The following MECR variants were observed in gnomAD, a reference collection of about 807,000 sequenced individuals.
MECR encodes mitochondrial trans-2-enoyl-CoA reductase, also known as enoyl-[acyl-carrier-protein] reductase, mitochondrial.
A neutral mutation model predicts 49.1 loss-of-function variants in MECR; 37 were observed. That is an observed-to-expected ratio of 0.75 (90% confidence interval 0.58 to 0.99). MECR has a LOEUF of 0.99. MECR is among the 50% of genes least tolerant of loss of function. MECR has a pLI of 0.00. For missense variants in MECR, 470 were observed against 479.6 expected, an observed-to-expected ratio of 0.98 and a Z score of 0.19; for synonymous variants, 198 against 191.1, an observed-to-expected ratio of 1.04 and a Z score of -0.30.
At chr1:29,209,640 G>A (rs1677460264) in intron 3 of MECR, among the ~76,000 whole-genome samples, 2 of 152,278 alleles carry the variant, frequency 1.3e-5, no homozygotes, top group South Asian at 4.1e-4. Flanking sequence ...TGAGGACTGC[G>A]TGAGGGGTCT....
chr1:29,201,362 C>G lies in MECR; in HGVS notation c.756+581G>C. The G allele has an allele frequency of 5.6e-6, 3 of 531,210 alleles. No individual in the cohort carries two copies. Among genetic ancestry groups the G allele is most frequent in the South Asian group, 4.2e-5 (3 of 70,982 alleles). 32.9% of individuals were successfully genotyped at this position (531,210 alleles called of 1,614,324 possible). A position where few individuals can be genotyped will look rare whatever the true frequency, so the allele number is the denominator to read the frequency against. ...GGTTCAGTGAAAAGGGGCTGAGGGT[C>G]TGGTCACTTACTAGGCATGTTGTGG... On this transcript the variant is annotated intron_variant, in intron 6 of 9. Coordinates refer to ENST00000263702, the MANE Select transcript of MECR (RefSeq NM_016011.5). This position sits in a 1 kb window ranked among gnomAD's most constrained non-coding sequence, Gnocchi z 4.3.
At chr1:29,204,596 A>C (rs929836726) in intron 4 of MECR, among the ~76,000 whole-genome samples, 1 of 152,196 alleles carries the variant, frequency 6.6e-6, no homozygotes, top group Non-Finnish European at 1.5e-5. Flanking sequence ...ATAAAATGTA[A>C]TTCTTACCAT....
chr1:29,217,246 G>A (rs1679699135), intron 1 of MECR, among the ~76,000 whole-genome samples: 1 of 138,672 alleles, frequency 7.2e-6, no homozygotes, highest in African/African-American at 2.7e-5. Context: ...GTCTCACTGT[G>A]TCACCCAGGC....
chr1:29,200,787 T>G (rs572848780), intron 6 of MECR, among the ~76,000 whole-genome samples, 198 bp from the exon 7 acceptor site: 2 of 152,230 alleles, frequency 1.3e-5, no homozygotes, highest in South Asian at 4.1e-4. Flanking sequence ...GTCTTTTCTT[T>G]CTTTTTTCTT....
intron 5 of MECR, among the ~76,000 whole-genome samples, chr1:29,202,780 A>G (rs868491573): frequency 6.6e-5 from 10 of 152,328 alleles, no homozygotes; most frequent in Middle Eastern, 3.4e-3. Context: ...GACAGTTCAC[A>G]GAAAGAATAA....
chr1:29,192,253 G>A (rs559185448), downstream of MECR, among the ~76,000 whole-genome samples: 43 of 152,144 alleles, frequency 2.8e-4, no homozygotes, highest in African/African-American at 9.6e-4. Context: ...TTTCCCCCAC[G>A]TCTAAGGCAG....
chr1:29,189,869 A>C (rs1673087677), downstream of MECR, among the ~76,000 whole-genome samples: 1 of 152,158 alleles, frequency 6.6e-6, no homozygotes, highest in African/African-American at 2.4e-5. Flanking sequence ...TGGGAATCAT[A>C]AACTGCCACG....
Position 29,216,666 on chromosome 1 carries a change from C to T in MECR, c.196G>A (p.Ala66Thr). The stretch of plus-strand genomic sequence containing the variant: ...CGGACATCTGATCCTCTCACAGCAG[C>T]TAGCTCCAGGTTCTTGAGTCTAAGC... The part of the protein sequence containing the change: ...KVVELKNLEL[A>T]AVRGSDVRVK... The change falls in exon 2 of 10, where the codon GCT (alanine) becomes ACT (threonine). Residue 66 changes from alanine to threonine, a missense_variant. Ala to Thr is a moderately conservative substitution (Grantham distance 58, BLOSUM62 0). Coordinates refer to ENST00000263702, the MANE Select transcript of MECR (RefSeq NM_016011.5). 1 of 1,614,238 alleles carries T rather than the reference C, an allele frequency of 6.2e-7. No individual in the cohort carries two copies. Among genetic ancestry groups the T allele is most frequent in the South Asian group, 1.1e-5 (1 of 91,082 alleles).
At chr1:29,181,922 A>G in the MECR span, 1 of 448,522 alleles carries the variant, frequency 2.2e-6, no homozygotes, top group South Asian at 5.2e-5. Context: ...GCGCGCTTCC[A>G]CTTCCCCCGC....
rs772261961 is a variant in MECR, at chr1:29,206,810, G to A, written c.502C>T (p.Pro168Ser). ...LQSAATLGVNPCTAYRMLMDF... is the reference protein window; with the variant it reads ...LQSAATLGVNSCTAYRMLMDF... ...ATCAACATCCTGTAGGCTGTGCAGG[G>A]ATTGACACCCAGGGTGGCAGCGCTC... Residue 168 changes from proline to serine, a missense_variant, in exon 4 of 10, where the codon CCC (proline) becomes TCC (serine). Transcript: ENST00000263702. 1.2e-6 allele frequency: 2 copies of A among 1,614,188 alleles called. No homozygotes were observed. The highest frequency in any genetic ancestry group is 1.7e-6 in the Non-Finnish European group (2 of 1,180,040).
At chr1:29,208,899 G>A (rs1177802156) in intron 3 of MECR, among the ~76,000 whole-genome samples, 1 of 152,242 alleles carries the variant, frequency 6.6e-6, no homozygotes, top group African/African-American at 2.4e-5. Flanking sequence ...CTGAGGAGGT[G>A]ACAGGCTAAG....
chr1:29,176,230 C>T, the MECR span, among the ~76,000 whole-genome samples: 2 of 151,660 alleles, frequency 1.3e-5, no homozygotes, highest in East Asian at 1.9e-4. Context: ...CCAGCCTGGG[C>T]GACAGAGCAA....
chr1:29,181,319 G>A, the MECR span, among the ~76,000 whole-genome samples: 1 of 152,188 alleles, frequency 6.6e-6, no homozygotes, highest in Non-Finnish European at 1.5e-5. Context: ...CCCCAGTTCC[G>A]GGCCTAGGAA....
chr1:29,201,902 T>C lies in MECR; in HGVS notation c.756+41A>G. 4 of 1,470,768 alleles carry C rather than the reference T, an allele frequency of 2.7e-6. No individual in the cohort carries two copies. The highest frequency in any genetic ancestry group is 3.8e-6 in the Non-Finnish European group (4 of 1,049,810). The allele number at this position is 1,470,768 out of a possible 1,614,324, so 91.1% of individuals were successfully genotyped here. A position where few individuals can be genotyped will look rare whatever the true frequency, so the allele number is the denominator to read the frequency against. ...TGCATGTCAACTTTCTTCAGGGAGA[T>C]GTGCGTGGACTGGAGGGGCAATGTC... On this transcript the variant is annotated intron_variant, in intron 6 of 9. Coordinates refer to ENST00000263702, the MANE Select transcript of MECR (RefSeq NM_016011.5). This position sits in a 1 kb window ranked among gnomAD's most constrained non-coding sequence, Gnocchi z 4.3.
the MECR span, among the ~76,000 whole-genome samples, chr1:29,175,694 C>CCAAAAAAA: frequency 1.3e-4 from 5 of 38,588 alleles, no homozygotes; most frequent in East Asian, 1.3e-3. Context: ...GACGCTGTCT[C>CCAAAAAAA]AAAAAAAAAA....
intron 2 of MECR, 30 bp from the exon 3 acceptor site, chr1:29,216,166 C>G (rs778789649): frequency 1.2e-5 from 19 of 1,612,116 alleles, no homozygotes; most frequent in Admixed American, 3.3e-5. Context: ...AAGGGTCAAC[C>G]AGTGATGTTT....
chr1:29,227,996 G>GA (rs1454136199), intron 1 of MECR, among the ~76,000 whole-genome samples: 2 of 151,982 alleles, frequency 1.3e-5, no homozygotes, highest in African/African-American at 4.8e-5. Context: ...GGAGAGCTTT[G>GA]AAAAAAACAG....
chr1:29,217,669 G>C (rs1330645429), intron 1 of MECR, among the ~76,000 whole-genome samples: 3 of 152,202 alleles, frequency 2.0e-5, no homozygotes, highest in African/African-American at 7.2e-5. Flanking sequence ...AGAATCTCCA[G>C]ATGAGGGCAC....
At chr1:29,177,417 G>A in the MECR span, among the ~76,000 whole-genome samples, 1 of 152,004 alleles carries the variant, frequency 6.6e-6, no homozygotes, top group African/African-American at 2.4e-5. Context: ...GAGTAGCCAG[G>A]ATTACAGGCA....
Sources: gnomAD v4.1 joint callset for allele counts (sites outside exome capture counted in the v4.1 genomes callset) on GRCh38, gnomAD v4.1.1 for gene constraint, Gnocchi (gnomAD v3.1) non-coding constraint, MANE v1.5 for transcripts, NCBI Gene and HGNC (gene_info 2026-07-23, HGNC 2026-07-21) for gene names.